RNF157: variants seen among roughly 807,000 people sequenced by gnomAD.
The protein encoded by RNF157 is ring finger protein 157.
A neutral mutation model predicts 88.3 loss-of-function variants in RNF157; 55 were observed. The ratio of observed to expected loss-of-function variants is 0.62; its 90% CI spans 0.50 to 0.78. The LOEUF (loss-of-function observed/expected upper bound fraction) is 0.78, where lower values mean the gene tolerates loss of function less well. RNF157 is among the 30% of genes least tolerant of loss of function. The probability of loss-of-function intolerance (pLI) is 0.00; values close to 1 mark genes in which losing one functional copy is unlikely to be tolerated. For missense variants in RNF157, 788 were observed against 860.8 expected, an observed-to-expected ratio of 0.92 and a Z score of 1.06; for synonymous variants, 334 against 341.2, an observed-to-expected ratio of 0.98 and a Z score of 0.23.
chr17:76,174,113 A>G (rs1462135931), intron 2 of RNF157, among the ~76,000 whole-genome samples: 1 of 152,056 alleles, frequency 6.6e-6, no homozygotes, highest in East Asian at 1.9e-4. Flanking sequence ...ATACCAAAGG[A>G]CACACTGTGG....
Position 76,143,203 on chromosome 17 carries a change from G to C in RNF157, c.*2032C>G, listed in dbSNP as rs1412591379. 1 of 152,252 alleles carries C rather than the reference G, an allele frequency of 6.6e-6. No homozygotes were observed. Among genetic ancestry groups the C allele is most frequent in the Non-Finnish European group, 1.5e-5 (1 of 68,068 alleles). 9.4% of individuals were successfully genotyped at this position (152,252 alleles called of 1,614,324 possible). A position where few individuals can be genotyped will look rare whatever the true frequency, so the allele number is the denominator to read the frequency against. The stretch of plus-strand genomic sequence containing the variant: ...GCCTTGGACATGGGACTGAGGCCTT[G>C]AGGAATCTTTCCGTGCTTCTCCCTA... On this transcript the variant is annotated 3_prime_UTR_variant, in exon 19 of 19. Coordinates refer to ENST00000269391, the MANE Select transcript of RNF157 (RefSeq NM_052916.3).
chr17:76,167,858 T>TA (rs145409044), intron 3 of RNF157, 61 bp from the exon 4 acceptor site: 4 of 1,505,846 alleles, frequency 2.7e-6, no homozygotes, highest in Admixed American at 2.0e-5. Flanking sequence ...AATTTACCTT[T>TA]AAAAAAATTA....
rs1251714912 is a variant in RNF157, at chr17:76,176,761, T to C, written c.208-2971A>G. Among the ~76,000 whole-genome samples the C allele has an allele frequency of 6.6e-6, 1 of 151,998 alleles. No individual in the cohort carries two copies. Among genetic ancestry groups the C allele is most frequent in the Non-Finnish European group, 1.5e-5 (1 of 67,992 alleles). The stretch of plus-strand genomic sequence containing the variant: ...GGAGCCCCGAGGCGGAGCTGGGCCT[T>C]GGCCAGTGTCCCGCTTGCTCATGGA... On this transcript the variant is annotated intron_variant, in intron 2 of 18. Coordinates refer to ENST00000269391, the MANE Select transcript of RNF157 (RefSeq NM_052916.3). This position sits in a 1 kb window ranked among gnomAD's most constrained non-coding sequence, Gnocchi z 4.2.
rs2068785311 is a variant in RNF157 at position 76,157,494 on chromosome 17, AG to A, written c.1413+898del. ...CTTTCTCCATGTCTAAAAAACTTCC[AG>A]GTTTAGCTAAAATGCTATTCCTCCA... On this transcript the variant is annotated intron_variant, in intron 13 of 18. Coordinates refer to ENST00000269391, the MANE Select transcript of RNF157 (RefSeq NM_052916.3). The surrounding 1 kb of genome is among the most constrained non-coding windows in gnomAD (Gnocchi z 5.6). Among the ~76,000 whole-genome samples, 1 of 152,204 alleles carries A rather than the reference AG, an allele frequency of 6.6e-6. No homozygotes were observed. Among genetic ancestry groups the A allele is most frequent in the African/African-American group, 2.4e-5 (1 of 41,452 alleles).
At chr17:76,173,286 A>C (rs1415052633) in intron 3 of RNF157, among the ~76,000 whole-genome samples, 1 of 140,780 alleles carries the variant, frequency 7.1e-6, no homozygotes, top group Non-Finnish European at 1.6e-5. Context: ...ACTCCGTCTC[A>C]AAAAAAAAAA....
intron 2 of RNF157, among the ~76,000 whole-genome samples, chr17:76,184,769 G>A (rs576665083): frequency 1.8e-4 from 27 of 152,294 alleles, no homozygotes; most frequent in African/African-American, 4.6e-4. Context: ...TGTCACAGAT[G>A]ACCTTGCACA....
intron 18 of RNF157, among the ~76,000 whole-genome samples, chr17:76,152,004 G>C: frequency 6.6e-6 from 1 of 152,260 alleles, no homozygotes; most frequent in East Asian, 1.9e-4. Flanking sequence ...GTAGAGAGGT[G>C]GTGTCTGTCT....
At chr17:76,226,987 G>A (rs1009060323) in intron 1 of RNF157, among the ~76,000 whole-genome samples, 2 of 152,234 alleles carry the variant, frequency 1.3e-5, no homozygotes, top group African/African-American at 4.8e-5. Context: ...AGGCACTGCT[G>A]CCCCTAATAT....
rs2069114024 is a variant in RNF157, at chr17:76,176,966, GC to G, written c.208-3177del. The stretch of plus-strand genomic sequence containing the variant: ...TTCTGCGCAGCCCGTCTGGGGCTGC[GC>G]CCCCAGGTCTGCCCCACATTGGGGT... On this transcript the variant is annotated intron_variant, in intron 2 of 18. Transcript: ENST00000269391. This position sits in a 1 kb window ranked among gnomAD's most constrained non-coding sequence, Gnocchi z 4.2. 6.6e-6 allele frequency among the ~76,000 whole-genome samples: 1 copy of G among 151,718 alleles called. No homozygotes were observed.
chr17:76,231,154 C>A (rs901927064), intron 1 of RNF157, among the ~76,000 whole-genome samples: 1 of 151,890 alleles, frequency 6.6e-6, no homozygotes, highest in Admixed American at 6.6e-5. Context: ...CCGGCCACAA[C>A]GCCCAGCTAA....
intron 2 of RNF157, among the ~76,000 whole-genome samples, chr17:76,191,705 T>C (rs528123071): frequency 6.6e-6 from 1 of 150,710 alleles, no homozygotes; most frequent in Non-Finnish European, 1.5e-5. Context: ...GCCTGGGAGG[T>C]TGAAACTACA....
At chr17:76,172,791 C>G (rs1598402966) in intron 3 of RNF157, among the ~76,000 whole-genome samples, 1 of 151,874 alleles carries the variant, frequency 6.6e-6, no homozygotes, top group Non-Finnish European at 1.5e-5. Context: ...CAAATTTTTT[C>G]ACCAGAGAAT....
At chr17:76,192,623 C>T in intron 2 of RNF157, among the ~76,000 whole-genome samples, 1 of 152,104 alleles carries the variant, frequency 6.6e-6, no homozygotes, top group Non-Finnish European at 1.5e-5. Flanking sequence ...ACAATTAATG[C>T]TCACAAAATA....
intron 1 of RNF157, chr17:76,226,318 A>G: frequency 6.2e-7 from 1 of 1,604,326 alleles, no homozygotes; most frequent in East Asian, 2.2e-5. Flanking sequence ...GGGAAAGGGG[A>G]AGAAGTTGCA....
chr17:76,147,000 CT>C lies in RNF157; in HGVS notation c.1922-1648del. ...CCACCTCAGGCTCTAGTAACAGTCT[CT>C]GGTGCTTGACCCCAGGGGAACAGTG... is the stretch of plus-strand genomic sequence containing the variant. On this transcript the variant is annotated intron_variant, in intron 18 of 18. Transcript: ENST00000269391. This position sits in a 1 kb window ranked among gnomAD's most constrained non-coding sequence, Gnocchi z 4.2. 1.0e-6 allele frequency: 1 copy of C among 985,416 alleles called. No individual in the cohort carries two copies. Among genetic ancestry groups the C allele is most frequent in the Non-Finnish European group, 1.2e-6 (1 of 829,916 alleles). The allele number at this position is 985,416 out of a possible 1,614,324, so 61.0% of individuals were successfully genotyped here.
chr17:76,166,983 G>A, intron 5 of RNF157, 26 bp downstream of exon 5: 1 of 1,550,326 alleles, frequency 6.5e-7, no homozygotes, highest in Non-Finnish European at 8.8e-7. Flanking sequence ...AGTGGATGTG[G>A]GAAACCCTCC....
At chr17:76,204,729 G>C (rs771750523) in intron 2 of RNF157, among the ~76,000 whole-genome samples, 1 of 151,880 alleles carries the variant, frequency 6.6e-6, no homozygotes, top group Non-Finnish European at 1.5e-5. Flanking sequence ...ATCTGTACTA[G>C]AGAAAGAAGA....
chr17:76,178,993 A>AT (rs2069148538), intron 2 of RNF157, among the ~76,000 whole-genome samples: 3 of 152,130 alleles, frequency 2.0e-5, no homozygotes, highest in Admixed American at 1.3e-4. Flanking sequence ...ACACAAATTT[A>AT]TTTATTTTCT....
chr17:76,181,631 C>T (rs113819140), intron 2 of RNF157, among the ~76,000 whole-genome samples: 1,624 of 152,154 alleles, frequency 0.011, 23 homozygotes, highest in African/African-American at 0.036. Context: ...AAAAAATGGT[C>T]GGGTGCGGTG....
Sources: allele counts gnomAD v4.1 joint callset (sites outside exome capture counted in the v4.1 genomes callset), GRCh38; gene constraint gnomAD v4.1.1; non-coding constraint Gnocchi (gnomAD v3.1); transcripts MANE v1.5; gene names NCBI Gene and HGNC (gene_info 2026-07-23, HGNC 2026-07-21).